Variants in RFX3 observed in about 807,000 individuals in gnomAD.
RFX3 encodes transcription factor RFX3.
RFX3 carries 14 observed loss-of-function variants against 98.6 expected under a neutral mutation model. The ratio of observed to expected loss-of-function variants is 0.14; its 90% CI spans 0.09 to 0.22. The LOEUF (loss-of-function observed/expected upper bound fraction) is 0.22, where lower values mean the gene tolerates loss of function less well. Among genes scored for constraint, RFX3 ranks in the 10% least tolerant of loss-of-function variants. The pLI is 1.00. For missense variants in RFX3, 639 were observed against 926.9 expected (o/e 0.69, Z 4.03); for synonymous variants, 383 against 328.4 (o/e 1.17, Z -1.80).
intron 16 of RFX3, among the ~76,000 whole-genome samples, chr9:3,227,923 C>T (rs567812985): frequency 4.6e-5 from 7 of 152,272 alleles, no homozygotes; most frequent in South Asian, 4.1e-4. Context: ...AGACTCCCCA[C>T]GTACTTCTTT....
rs1322352625 is a variant in RFX3, at chr9:3,220,458, C to T, written c.*4584G>A. 6.6e-6 allele frequency: 1 copy of T among 151,966 alleles called. No homozygotes were observed. Among genetic ancestry groups the T allele is most frequent in the Non-Finnish European group, 1.5e-5 (1 of 67,976 alleles). The allele number at this position is 151,966 out of a possible 1,614,324, so 9.4% of individuals were successfully genotyped here. A position where few individuals can be genotyped will look rare whatever the true frequency, so the allele number is the denominator to read the frequency against. On this transcript the variant is annotated 3_prime_UTR_variant, in exon 17 of 17. Transcript: ENST00000617270. The stretch of plus-strand genomic sequence containing the variant: ...GTCTATCCAGGCCCATGTATTTGTC[C>T]TCCTTTTCTAGAGACTATGGTGTGA...
chr9:3,245,673 G>T (rs570999035), intron 15 of RFX3, among the ~76,000 whole-genome samples: 2 of 152,296 alleles, frequency 1.3e-5, no homozygotes, highest in Admixed American at 1.3e-4. Flanking sequence ...GCCATTAGTT[G>T]ATACAGCAAG....
intron 15 of RFX3, among the ~76,000 whole-genome samples, chr9:3,246,104 T>C (rs1820629219): frequency 1.3e-5 from 2 of 152,216 alleles, no homozygotes; most frequent in African/African-American, 4.8e-5. Context: ...AAAATTAGTC[T>C]GAATTTGCCT....
At chr9:3,343,710 CA>C in intron 3 of RFX3, among the ~76,000 whole-genome samples, 1 of 152,130 alleles carries the variant, frequency 6.6e-6, no homozygotes, top group East Asian at 1.9e-4. Context: ...AACCTTTAGT[CA>C]AAAATTATCC....
chr9:3,506,110 G>A (rs185232591), intron 1 of RFX3, among the ~76,000 whole-genome samples: 187 of 151,470 alleles, frequency 1.2e-3, no homozygotes, highest in Non-Finnish European at 2.1e-3. Context: ...CTTCACAAAC[G>A]GCACTAAATT....
At position 3,270,241 on chromosome 9, in the gene RFX3, G is replaced by T. The variant is rs1563834032; in HGVS notation, c.1357+130C>A. On this transcript the variant is annotated intron_variant, in intron 11 of 16. Coordinates refer to ENST00000617270, the MANE Select transcript of RFX3 (RefSeq NM_001282116.2). Reference sequence around the variant, plus strand: ...AGGCTGCTTTCACGCAATATTCTGTGTTGCATGTTTTCTATCTGGCAAATC... The same window carrying T: ...AGGCTGCTTTCACGCAATATTCTGTTTTGCATGTTTTCTATCTGGCAAATC... 1.3e-5 allele frequency: 12 copies of T among 903,434 alleles called. No individual in the cohort carries two copies. The East Asian group carries it at 2.6e-4, about 19-fold the overall frequency. 56.0% of individuals were successfully genotyped at this position (903,434 alleles called of 1,614,324 possible). A position where few individuals can be genotyped will look rare whatever the true frequency, so the allele number is the denominator to read the frequency against.
intron 1 of RFX3, among the ~76,000 whole-genome samples, chr9:3,483,203 G>A (rs974780194): frequency 4.6e-5 from 7 of 152,188 alleles, no homozygotes; most frequent in African/African-American, 1.4e-4. Context: ...CCCCCAAACA[G>A]AAGACTTTGG....
At chr9:3,269,651 C>G (rs1296097705) in intron 11 of RFX3, among the ~76,000 whole-genome samples, 1 of 152,060 alleles carries the variant, frequency 6.6e-6, no homozygotes, top group African/African-American at 2.4e-5. Context: ...TAAAAAGCAC[C>G]ATCACTTAAA....
At position 3,218,649 on chromosome 9, in the gene RFX3, A is replaced by G. The variant is rs1335018079; in HGVS notation, c.*6393T>C. On this transcript the variant is annotated 3_prime_UTR_variant, in exon 17 of 17. Coordinates refer to ENST00000617270, the MANE Select transcript of RFX3 (RefSeq NM_001282116.2). ...CAAAATCAAATACATTATACAAAAA[A>G]CCATCACATGTTATTCGGTAAAGAT... The G allele has an allele frequency of 1.3e-5, 2 of 152,196 alleles. No individual in the cohort carries two copies. The highest frequency in any genetic ancestry group is 1.3e-4 in the Admixed American group (2 of 15,276). The allele number at this position is 152,196 out of a possible 1,614,324, so 9.4% of individuals were successfully genotyped here. A position where few individuals can be genotyped will look rare whatever the true frequency, so the allele number is the denominator to read the frequency against.
At chr9:3,488,906 G>C (rs1850502690) in intron 1 of RFX3, 1 of 984,304 alleles carries the variant, frequency 1.0e-6, no homozygotes, top group Non-Finnish European at 1.2e-6. Context: ...CTAAAACAAA[G>C]ACCATATATC....
chr9:3,309,287 G>A (rs953006321), intron 4 of RFX3, among the ~76,000 whole-genome samples: 1 of 152,124 alleles, frequency 6.6e-6, no homozygotes, highest in Admixed American at 6.6e-5. Flanking sequence ...ACAAAGATTA[G>A]TGGAGCTCCA....
chr9:3,392,670 C>T (rs1439116720), intron 2 of RFX3, among the ~76,000 whole-genome samples: 1 of 151,842 alleles, frequency 6.6e-6, no homozygotes, highest in East Asian at 1.9e-4. Context: ...TGCATCAATG[C>T]ACATCATCAT....
chr9:3,404,916 C>T (rs1841820517), intron 1 of RFX3, among the ~76,000 whole-genome samples: 1 of 152,180 alleles, frequency 6.6e-6, no homozygotes, highest in Non-Finnish European at 1.5e-5. Flanking sequence ...GCCCATTCTA[C>T]TCAACTGCTG....
intron 15 of RFX3, among the ~76,000 whole-genome samples, chr9:3,242,186 C>G (rs750242961): frequency 1.3e-5 from 2 of 152,140 alleles, no homozygotes; most frequent in Non-Finnish European, 2.9e-5. Flanking sequence ...TTCTCTTTTC[C>G]TCACTGGTGA....
intron 2 of RFX3, among the ~76,000 whole-genome samples, chr9:3,359,099 G>C (rs1354588297): frequency 1.3e-5 from 2 of 151,738 alleles, no homozygotes; most frequent in African/African-American, 2.4e-5. Flanking sequence ...CGAGACCCTT[G>C]AAACGATTTG....
intron 7 of RFX3, among the ~76,000 whole-genome samples, chr9:3,277,826 C>A (rs1825436014): frequency 6.6e-6 from 1 of 151,910 alleles, no homozygotes; most frequent in African/African-American, 2.4e-5. Context: ...GAACTTTAAT[C>A]TGAACAATGA....
At chr9:3,348,324 A>C (rs1834686943) in intron 2 of RFX3, among the ~76,000 whole-genome samples, 1 of 152,108 alleles carries the variant, frequency 6.6e-6, no homozygotes, top group Non-Finnish European at 1.5e-5. Flanking sequence ...TTGACATATA[A>C]CAACTGGCTG....
At chr9:3,337,119 C>A (rs1292818703) in intron 3 of RFX3, among the ~76,000 whole-genome samples, 1 of 152,072 alleles carries the variant, frequency 6.6e-6, no homozygotes, top group African/African-American at 2.4e-5. Context: ...GCCAGAGAGA[C>A]AACCTACAAA....
intron 16 of RFX3, among the ~76,000 whole-genome samples, chr9:3,226,361 A>T (rs2130588255): frequency 6.6e-6 from 1 of 152,310 alleles, no homozygotes; most frequent in South Asian, 2.1e-4. Context: ...AGGCCCCTTG[A>T]CTTTTCTTAT....
Sources: allele counts gnomAD v4.1 joint callset (sites outside exome capture counted in the v4.1 genomes callset), GRCh38; gene constraint gnomAD v4.1.1; transcripts MANE v1.5; gene names NCBI Gene and HGNC (gene_info 2026-07-23, HGNC 2026-07-21).